The following MCTP1 variants were observed in gnomAD, a reference collection of about 807,000 sequenced individuals.
MCTP1 encodes the protein multiple C2 and transmembrane domain-containing protein 1.
A neutral mutation model predicts 120.6 loss-of-function variants in MCTP1; 69 were observed. The ratio of observed to expected loss-of-function variants is 0.57; its 90% CI spans 0.47 to 0.70. The LOEUF (loss-of-function observed/expected upper bound fraction) is 0.70. MCTP1 is among the 30% of genes least tolerant of loss of function. MCTP1 has a pLI of 0.00. For missense variants in MCTP1, 1,203 were observed against 1,248.8 expected, an observed-to-expected ratio of 0.96 and a Z score of 0.55; for synonymous variants, 529 against 493.1, an observed-to-expected ratio of 1.07 and a Z score of -0.96.
chr5:94,899,499 C>T (rs756377859), intron 10 of MCTP1, among the ~76,000 whole-genome samples: 5 of 152,218 alleles, frequency 3.3e-5, no homozygotes, highest in Non-Finnish European at 7.3e-5. Flanking sequence ...CCGCCATATA[C>T]TTTTGAGTTT....
intron 1 of MCTP1, among the ~76,000 whole-genome samples, chr5:95,134,698 C>T (rs937633519): frequency 6.6e-6 from 1 of 152,120 alleles, no homozygotes; most frequent in African/African-American, 2.4e-5. Flanking sequence ...CCCTTGAAAG[C>T]TCTGCTTGCA....
intron 19 of MCTP1, among the ~76,000 whole-genome samples, chr5:94,742,038 A>G (rs979372817): frequency 2.0e-5 from 3 of 152,136 alleles, no homozygotes; most frequent in African/African-American, 7.2e-5. Context: ...TGTTTGAACG[A>G]CACTGTATAA....
chr5:95,284,585 C>T lies in MCTP1; in HGVS notation c.-10G>A. ...CAGCCCGGGGCTCCATCCTCCACCC[C>T]CTGCTCCTCCTCTCCCCTCCTCCTC... On this transcript the variant is annotated 5_prime_UTR_variant, in exon 1 of 23. Coordinates refer to ENST00000515393, the MANE Select transcript of MCTP1 (RefSeq NM_024717.7). The surrounding 1 kb of genome is among the most constrained non-coding windows in gnomAD (Gnocchi z 5.2). 2 of 1,416,778 alleles carry T rather than the reference C, an allele frequency of 1.4e-6. No individual in the cohort carries two copies. The highest frequency in any genetic ancestry group is 1.8e-6 in the Non-Finnish European group (2 of 1,098,368). The allele number at this position is 1,416,778 out of a possible 1,614,324, so 87.8% of individuals were successfully genotyped here. A position where few individuals can be genotyped will look rare whatever the true frequency, so the allele number is the denominator to read the frequency against.
chr5:94,912,667 T>C, intron 9 of MCTP1, 139 bp downstream of exon 9: 1 of 623,546 alleles, frequency 1.6e-6, no homozygotes, highest in South Asian at 3.5e-5. Flanking sequence ...CAATTATTGG[T>C]CTTGTTTTCT....
chr5:95,091,108 C>T (rs1398497194), intron 1 of MCTP1, among the ~76,000 whole-genome samples: 1 of 152,136 alleles, frequency 6.6e-6, no homozygotes, highest in East Asian at 1.9e-4. Flanking sequence ...TTCCCCCCAA[C>T]CCCAAACCTA....
chr5:94,707,612 T>C, intron 22 of MCTP1, 45 bp from the exon 23 acceptor site: 1 of 1,443,152 alleles, frequency 6.9e-7, no homozygotes, highest in Non-Finnish European at 9.7e-7. Context: ...GTGGCCACTT[T>C]CTGGCAAAGA....
At chr5:95,218,248 G>C (rs1367765411) in intron 1 of MCTP1, among the ~76,000 whole-genome samples, 1 of 152,202 alleles carries the variant, frequency 6.6e-6, no homozygotes, top group Non-Finnish European at 1.5e-5. Context: ...TTACAAGGAA[G>C]AAAAGATCCG....
chr5:95,230,612 A>T (rs1196693154), intron 1 of MCTP1, among the ~76,000 whole-genome samples: 2 of 152,192 alleles, frequency 1.3e-5, no homozygotes, highest in African/African-American at 2.4e-5. Context: ...AGTTTGCCTG[A>T]GGCTGCAATT....
rs540243003 is a variant in MCTP1, at chr5:95,045,280, T to C, written c.721-27796A>G. ...TCCCTCATGCCCATCTAAAGAGTTC[T>C]TCATTAGTTTATTCTTTACCACAGC... is the stretch of plus-strand genomic sequence containing the variant. On this transcript the variant is annotated intron_variant, in intron 1 of 22. Coordinates refer to ENST00000515393, the MANE Select transcript of MCTP1 (RefSeq NM_024717.7). 2.0e-5 allele frequency among the ~76,000 whole-genome samples: 3 copies of C among 152,302 alleles called. No individual in the cohort carries two copies. In the East Asian group the frequency reaches 5.8e-4, roughly 29 times the overall value.
intron 2 of MCTP1, among the ~76,000 whole-genome samples, chr5:95,000,982 A>C (rs1833567921): frequency 6.6e-6 from 1 of 152,162 alleles, no homozygotes; most frequent in African/African-American, 2.4e-5. Context: ...CCCACAAATC[A>C]TGGAAGGGTG....
At chr5:95,032,880 C>T (rs1840562373) in intron 1 of MCTP1, among the ~76,000 whole-genome samples, 1 of 151,870 alleles carries the variant, frequency 6.6e-6, no homozygotes, top group Non-Finnish European at 1.5e-5. Flanking sequence ...TTCAAATAAG[C>T]ACAATATCAA....
At chr5:94,794,471 C>T (rs957184479) in intron 18 of MCTP1, among the ~76,000 whole-genome samples, 3 of 152,160 alleles carry the variant, frequency 2.0e-5, no homozygotes, top group Non-Finnish European at 2.9e-5. Context: ...TTTGGAGACA[C>T]CCAGGATTCT....
intron 19 of MCTP1, among the ~76,000 whole-genome samples, chr5:94,749,251 CA>C (rs1335366364): frequency 6.6e-6 from 1 of 152,144 alleles, no homozygotes; most frequent in African/African-American, 2.4e-5. Context: ...GTGGATGACT[CA>C]GCAAAAAACA....
rs930890761 is a variant in MCTP1 at position 94,705,672 on chromosome 5, A to G, written c.*1824T>C. ...TTAATGGTTACTATCCACTAGATAC[A>G]TCTGAGGTTGTAGAATATCAGGCTT... On this transcript the variant is annotated 3_prime_UTR_variant, in exon 23 of 23. Coordinates refer to ENST00000515393, the MANE Select transcript of MCTP1 (RefSeq NM_024717.7). 1 of 151,664 alleles carries G rather than the reference A, an allele frequency of 6.6e-6. No individual in the cohort carries two copies. The highest frequency in any genetic ancestry group is 1.5e-5 in the Non-Finnish European group (1 of 67,716). 9.4% of individuals were successfully genotyped at this position (151,664 alleles called of 1,614,324 possible). A position where few individuals can be genotyped will look rare whatever the true frequency, so the allele number is the denominator to read the frequency against.
chr5:94,796,554 T>C (rs1780051585), intron 18 of MCTP1, among the ~76,000 whole-genome samples: 1 of 133,400 alleles, frequency 7.5e-6, no homozygotes, highest in Non-Finnish European at 1.5e-5. Flanking sequence ...AATTCGTATA[T>C]ATGTGTGTGT....
intron 12 of MCTP1, among the ~76,000 whole-genome samples, chr5:94,883,706 A>G (rs1441386997): frequency 1.3e-5 from 2 of 152,220 alleles, no homozygotes; most frequent in African/African-American, 4.8e-5. Context: ...ATTTTATTAA[A>G]TATGATGATG....
chr5:95,145,020 C>A (rs2152447185), intron 1 of MCTP1, among the ~76,000 whole-genome samples: 1 of 152,234 alleles, frequency 6.6e-6, no homozygotes, highest in East Asian at 1.9e-4. Context: ...ATTGATTCTT[C>A]TAATCCATGA....
chr5:95,017,192 C>G lies in MCTP1; in HGVS notation c.838+175G>C, dbSNP rs79847651. ...CAGAGTTTTGGAACTTGCATCAAAA[C>G]GTCTTCCACCATGGTCACAGGAGTC... On this transcript the variant is annotated intron_variant, in intron 2 of 22. Coordinates refer to ENST00000515393, the MANE Select transcript of MCTP1 (RefSeq NM_024717.7). 2.6e-5 allele frequency among the ~76,000 whole-genome samples: 4 copies of G among 152,208 alleles called. No homozygotes were observed. The East Asian group carries it at 7.7e-4, about 29-fold the overall frequency.
intron 1 of MCTP1, among the ~76,000 whole-genome samples, chr5:95,217,038 CA>C (rs1480998787): frequency 6.6e-6 from 1 of 152,166 alleles, no homozygotes; most frequent in Non-Finnish European, 1.5e-5. Context: ...GTGGAATCCA[CA>C]ACTGAAAATG....
Sources: gnomAD v4.1 joint callset for allele counts (sites outside exome capture counted in the v4.1 genomes callset) on GRCh38, gnomAD v4.1.1 for gene constraint, Gnocchi (gnomAD v3.1) non-coding constraint, MANE v1.5 for transcripts, NCBI Gene and HGNC (gene_info 2026-07-23, HGNC 2026-07-21) for gene names.